Variants in ADAMTS13 observed in about 807,000 individuals in gnomAD.
The protein encoded by ADAMTS13 is A disintegrin and metalloproteinase with thrombospondin motifs 13.
ADAMTS13 carries 110 observed loss-of-function variants against 155.1 expected under a neutral mutation model. The observed-to-expected ratio is 0.71, with a 90% CI of 0.61 to 0.83. The LOEUF is 0.83. ADAMTS13 is among the 40% of genes least tolerant of loss of function. The pLI is 0.00. For synonymous variants in ADAMTS13, 758 were observed against 756.4 expected (o/e 1.00, Z -0.03); for missense variants, 1,707 against 1,891.7 (o/e 0.90, Z 1.81).
chr9:133,434,193 G>A (rs1430415240), intron 11 of ADAMTS13, among the ~76,000 whole-genome samples: 6 of 152,262 alleles, frequency 3.9e-5, no homozygotes, highest in South Asian at 2.1e-4. Context: ...CCCCTGAAGC[G>A]TCCCGCCTCC....
intron 21 of ADAMTS13, among the ~76,000 whole-genome samples, chr9:133,447,915 G>C (rs587683960): frequency 6.6e-6 from 1 of 152,130 alleles, no homozygotes; most frequent in East Asian, 1.9e-4. Context: ...ATTCCTAAAA[G>C]AGAGACTTGA....
chr9:133,433,537 A>G lies in ADAMTS13; in HGVS notation c.1244+8A>G, dbSNP rs782431453. The G allele has an allele frequency of 1.9e-6, 3 of 1,613,660 alleles. No individual in the cohort carries two copies. The highest frequency in any genetic ancestry group is 1.1e-5 in the South Asian group (1 of 91,090). On this transcript the variant is annotated splice_region_variant and intron_variant, in intron 10 of 28. Transcript: ENST00000355699. Reference sequence around the variant, plus strand: ...GCAGTGCAACAACCCCAGGTACCGCAGGGAGGGTGCTTTTCTGTCAGGGAG... The same window carrying G: ...GCAGTGCAACAACCCCAGGTACCGCGGGGAGGGTGCTTTTCTGTCAGGGAG...
intron 14 of ADAMTS13, 127 bp downstream of exon 14, chr9:133,438,493 C>T: frequency 7.1e-7 from 1 of 1,416,432 alleles, no homozygotes; most frequent in Non-Finnish European, 9.6e-7. Flanking sequence ...CTGGATGCCT[C>T]CTGTGGTGTC....
chr9:133,457,771 G>A, intron 27 of ADAMTS13, 139 bp from the exon 28 acceptor site: 1 of 1,096,552 alleles, frequency 9.1e-7, no homozygotes, highest in Non-Finnish European at 1.4e-6. Flanking sequence ...TAGAGGTGGG[G>A]TTCAGCAGGA....
intron 22 of ADAMTS13, 137 bp from the exon 23 acceptor site, chr9:133,449,646 C>A: frequency 1.0e-6 from 1 of 958,726 alleles, no homozygotes; most frequent in Non-Finnish European, 1.6e-6. Context: ...ACAAGGGGGC[C>A]TCCAGAAAGA....
chr9:133,431,329 ATTTT>A (rs60906567), intron 8 of ADAMTS13, among the ~76,000 whole-genome samples: 1 of 137,426 alleles, frequency 7.3e-6, no homozygotes. Context: ...TCATTTTTTC[ATTTT>A]TTTTTTTTTT....
intron 27 of ADAMTS13, chr9:133,457,093 G>C (rs934375848): frequency 1.6e-5 from 6 of 372,408 alleles, no homozygotes; most frequent in Non-Finnish European, 3.1e-5. Flanking sequence ...TCAGTGCACT[G>C]GTGTAAGCAG....
At position 133,455,349 on chromosome 9, in the gene ADAMTS13, A is replaced by G; in HGVS notation, c.3314A>G (p.Gln1105Arg). 6.2e-7 allele frequency: 1 copy of G among 1,610,784 alleles called. No homozygotes were observed. The highest frequency in any genetic ancestry group is 1.1e-5 in the South Asian group (1 of 91,082). ...RRDTCLGPQA[Q>R]APVPADFCQH... ...GACACCTGCCTCGGACCCCAGGCCC[A>G]GGCGCCTGTGCCAGCTGATTTCTGC... Residue 1105 changes from glutamine (Q) to arginine (R), a missense_variant, in exon 25 of 29, where the codon CAG becomes CGG. Gln to Arg is a conservative substitution (Grantham distance 43). Coordinates refer to ENST00000355699, the MANE Select transcript of ADAMTS13 (RefSeq NM_139027.6).
In ADAMTS13 at chr9:133,437,895, A is replaced by G. The variant is rs121908473; in HGVS notation, c.1582A>G (p.Arg528Gly). ...GAGCCTGTGTGTGTCGGGCAGCTGC[A>G]GGGTAGGCGTGTGTGGACATTGGCG... ...TLSLCVSGSCRTFGCDGRMDS... is the reference protein window; with the variant it reads ...TLSLCVSGSCGTFGCDGRMDS... Residue 528 changes from arginine (R) to glycine (G), a missense_variant and splice_region_variant, in exon 13 of 29, where the codon AGG becomes GGG. Physicochemically the swap from Arg to Gly is moderately radical, Grantham distance 125. Coordinates refer to ENST00000355699, the MANE Select transcript of ADAMTS13 (RefSeq NM_139027.6). The G allele has an allele frequency of 6.2e-7, 1 of 1,613,470 alleles. No individual in the cohort carries two copies. Among genetic ancestry groups the G allele is most frequent in the East Asian group, 2.2e-5 (1 of 44,884 alleles).
In ADAMTS13 at chr9:133,433,410, G is replaced by A. The variant is rs782806684; in HGVS notation, c.1125G>A (p.Val375=). ...CCAAGGGTCGCTGCCGCTCCCTGGTGGAGCTGACCCCCATAGCAGCAGTGC... is the reference window on the plus strand; with the variant it reads ...CCAAGGGTCGCTGCCGCTCCCTGGTAGAGCTGACCCCCATAGCAGCAGTGC... The part of the protein sequence containing the change: ...WCSKGRCRSL[V]ELTPIAAVHG... The change falls in exon 10 of 29, where the codon GTG becomes GTA. Residue 375 remains valine (V), a synonymous_variant. Transcript: ENST00000355699. 2.0e-5 allele frequency: 32 copies of A among 1,613,162 alleles called. No homozygotes were observed. The highest frequency in any genetic ancestry group is 2.5e-5 in the Non-Finnish European group (30 of 1,179,934).
At position 133,431,308 on chromosome 9, in the gene ADAMTS13, G is replaced by T. The variant is rs2130813523; in HGVS notation, c.987+1207G>T. ...TATTATATATTACAACATTAATTTT[G>T]ACCTGGAAGTTCATTTTTTCATTTT... On this transcript the variant is annotated intron_variant, in intron 8 of 28. Coordinates refer to ENST00000355699, the MANE Select transcript of ADAMTS13 (RefSeq NM_139027.6). Among the ~76,000 whole-genome samples the T allele has an allele frequency of 2.0e-5, 3 of 149,522 alleles. 1 individual carries two copies. The Middle Eastern group carries it at 0.01, about 519-fold the overall frequency.
In ADAMTS13 at chr9:133,456,106, C is replaced by T; in HGVS notation, c.3438C>T (p.Thr1146=). 6.2e-7 allele frequency: 1 copy of T among 1,613,336 alleles called. No individual in the cohort carries two copies. Among genetic ancestry groups the T allele is most frequent in the Non-Finnish European group, 8.5e-7 (1 of 1,180,040 alleles). ...GGCAGCACCTTGAGCCAACAGGAACCATTGACATGCGAGGCCCAGGGCAGG... is the reference window on the plus strand; with the variant it reads ...GGCAGCACCTTGAGCCAACAGGAACTATTGACATGCGAGGCCCAGGGCAGG... ...CGRQHLEPTG[T]IDMRGPGQAD... Residue 1146 remains threonine (T), a synonymous_variant, in exon 26 of 29, where the codon ACC becomes ACT. Transcript: ENST00000355699. The surrounding 1 kb of genome is among the most constrained non-coding windows in gnomAD (Gnocchi z 4.4).
At chr9:133,450,811 C>CT (rs1554794161) in intron 23 of ADAMTS13, among the ~76,000 whole-genome samples, 1 of 152,208 alleles carries the variant, frequency 6.6e-6, no homozygotes. Flanking sequence ...AAGAGCCAGT[C>CT]TGTAAGGAAT....
upstream of ADAMTS13, among the ~76,000 whole-genome samples, chr9:133,418,278 A>C (rs1158662748): frequency 6.6e-6 from 1 of 152,234 alleles, no homozygotes; most frequent in African/African-American, 2.4e-5. Flanking sequence ...CTGGTAGGGC[A>C]GCTGAGCTGG....
At position 133,428,680 on chromosome 9, in the gene ADAMTS13, A is replaced by G; in HGVS notation, c.733A>G (p.Ser245Gly). Reference protein sequence around the residue: ...DGAPGSGCGPSGHVMASDGAA... With the variant: ...DGAPGSGCGPGGHVMASDGAA... ...CGCGCCCGGCAGCGGCTGCGGCCCC[A>G]GCGGACACGTGATGGCTTCGGACGG... Residue 245 changes from serine to glycine, a missense_variant, in exon 7 of 29, where the codon AGC (serine) becomes GGC (glycine). Ser to Gly is a moderately conservative substitution (Grantham distance 56). Transcript: ENST00000355699. The G allele has an allele frequency of 7.4e-7, 1 of 1,354,556 alleles. No individual in the cohort carries two copies. The highest frequency in any genetic ancestry group is 9.5e-7 in the Non-Finnish European group (1 of 1,049,696). 83.9% of individuals were successfully genotyped at this position (1,354,556 alleles called of 1,614,324 possible). A position where few individuals can be genotyped will look rare whatever the true frequency, so the allele number is the denominator to read the frequency against.
At chr9:133,426,468 C>T (rs1840289104) in intron 6 of ADAMTS13, 123 bp downstream of exon 6, 2 of 1,333,354 alleles carry the variant, frequency 1.5e-6, no homozygotes, top group Admixed American at 1.9e-5. Context: ...CTGTACCCCT[C>T]ACCCCGACAG....
chr9:133,455,933 G>T lies in ADAMTS13; in HGVS notation c.3401-136G>T. The T allele has an allele frequency of 5.9e-6, 7 of 1,188,152 alleles. No homozygotes were observed. In the Middle Eastern group the frequency reaches 1.3e-3, roughly 224 times the overall value. 73.6% of individuals were successfully genotyped at this position (1,188,152 alleles called of 1,614,324 possible). A position where few individuals can be genotyped will look rare whatever the true frequency, so the allele number is the denominator to read the frequency against. On this transcript the variant is annotated intron_variant, in intron 25 of 28. Coordinates refer to ENST00000355699, the MANE Select transcript of ADAMTS13 (RefSeq NM_139027.6). ...TATGCAGCCCCCCTCCCTGTCCTGAGAAGGCTTCCAGCTGGGCCTTGGAGG... is the reference window on the plus strand; with the variant it reads ...TATGCAGCCCCCCTCCCTGTCCTGATAAGGCTTCCAGCTGGGCCTTGGAGG...
chr9:133,424,457 T>G lies in ADAMTS13; in HGVS notation c.309T>G (p.Tyr103Ter). ...CTCACCAGGAGGACACAGAGCGCTA[T>G]GTGCTCACCAACCTCAACATCGTGA... ...FQAHQEDTER[Y>*]VLTNLNIGAE... Residue 103 changes from tyrosine (Y) to a stop codon, truncating the protein, a stop_gained, in exon 3 of 29, where the codon TAT becomes TAG. Transcript: ENST00000355699. LOFTEE classifies it high-confidence loss of function. This position sits in a 1 kb window ranked among gnomAD's most constrained non-coding sequence, Gnocchi z 4.3. The G allele has an allele frequency of 6.2e-7, 1 of 1,613,826 alleles. No homozygotes were observed. The highest frequency in any genetic ancestry group is 8.5e-7 in the Non-Finnish European group (1 of 1,179,906).
chr9:133,438,424 A>G, intron 14 of ADAMTS13, 58 bp downstream of exon 14: 1 of 1,606,246 alleles, frequency 6.2e-7, no homozygotes, highest in East Asian at 2.2e-5. Flanking sequence ...AGATGGCCAC[A>G]GCCCAGAGCG....
Sources: allele counts gnomAD v4.1 joint callset (sites outside exome capture counted in the v4.1 genomes callset), GRCh38; gene constraint gnomAD v4.1.1; non-coding constraint Gnocchi (gnomAD v3.1); transcripts MANE v1.5; gene names NCBI Gene and HGNC (gene_info 2026-07-23, HGNC 2026-07-21).